OAS3: variants seen among roughly 807,000 people sequenced by gnomAD.
OAS3 encodes 2'-5'-oligoadenylate synthetase 3, also known as 2'-5'-oligoadenylate synthase 3.
A neutral mutation model predicts 113.0 loss-of-function variants in OAS3; 107 were observed. That is an observed-to-expected ratio of 0.95 (90% confidence interval 0.81 to 1.11). The LOEUF is 1.11. Ranked by LOEUF, OAS3 falls within the 50% of genes most tolerant of loss-of-function variation. The probability of loss-of-function intolerance (pLI) is 0.00; values close to 1 mark genes in which losing one functional copy is unlikely to be tolerated. For missense variants in OAS3, 1,258 were observed against 1,389.1 expected (o/e 0.91, Z 1.50); for synonymous variants, 552 against 573.6 (o/e 0.96, Z 0.54).
At chr12:112,941,907 C>T (rs2043683936) in intron 2 of OAS3, 55 bp downstream of exon 2, 2 of 1,607,120 alleles carry the variant, frequency 1.2e-6, no homozygotes, top group African/African-American at 1.3e-5. Context: ...TTGGGAACAA[C>T]ACAGGACTTC....
intron 6 of OAS3, 24 bp downstream of exon 6, chr12:112,949,229 A>AGT: frequency 6.4e-7 from 1 of 1,573,626 alleles, no homozygotes; most frequent in African/African-American, 1.3e-5. Flanking sequence ...GTGGAGACAC[A>AGT]GGGGGGACCC....
chr12:112,949,097 C>G lies in OAS3; in HGVS notation c.1266C>G (p.Asp422Glu). The change falls in exon 6 of 16, where the codon GAC becomes GAG. Residue 422 changes from aspartate to glutamate, a missense_variant. Coordinates refer to ENST00000228928, the MANE Select transcript of OAS3 (RefSeq NM_006187.4). ...PTKELDRFIQDHLKPSPQFQE... is the reference protein window; with the variant it reads ...PTKELDRFIQEHLKPSPQFQE... ...AGGAGCTGGACCGCTTCATCCAGGACCACCTGAAGCCGAGCCCCCAGTTCC... is the reference window on the plus strand; with the variant it reads ...AGGAGCTGGACCGCTTCATCCAGGAGCACCTGAAGCCGAGCCCCCAGTTCC... 1 of 1,614,022 alleles carries G rather than the reference C, an allele frequency of 6.2e-7. No homozygotes were observed. The highest frequency in any genetic ancestry group is 1.1e-5 in the South Asian group (1 of 91,090).
chr12:112,941,191 C>A (rs2043675603), intron 1 of OAS3, among the ~76,000 whole-genome samples: 1 of 151,370 alleles, frequency 6.6e-6, no homozygotes, highest in African/African-American at 2.4e-5. Flanking sequence ...ATAGCAAGAC[C>A]CCATCTCTTT....
rs774270754 is a variant in OAS3, at chr12:112,967,462, G to A, written c.2734G>A (p.Asp912Asn). ...GSRPSSQVYV[D>N]LIHSYSNAGE... The stretch of plus-strand genomic sequence containing the variant: ...CAGGCCCAGCTCTCAAGTCTACGTC[G>A]ACCTCATCCACAGCTACAGCAATGC... Residue 912 changes from aspartate (D) to asparagine (N), a missense_variant, in exon 13 of 16, where the codon GAC becomes AAC. Coordinates refer to ENST00000228928, the MANE Select transcript of OAS3 (RefSeq NM_006187.4). The A allele has an allele frequency of 3.7e-5, 59 of 1,613,552 alleles. 1 individual carries two copies. In the South Asian group the frequency reaches 4.1e-4, roughly 11 times the overall value.
At chr12:112,957,421 T>C (rs928347562) in intron 7 of OAS3, among the ~76,000 whole-genome samples, 2 of 152,264 alleles carry the variant, frequency 1.3e-5, no homozygotes. Flanking sequence ...ATGCAGTTTC[T>C]TCCTAGCATC....
chr12:112,948,233 C>T (rs573652180), intron 5 of OAS3, 134 bp downstream of exon 5: 16 of 863,536 alleles, frequency 1.9e-5, no homozygotes, highest in South Asian at 3.2e-5. Context: ...TGGTGGCTCA[C>T]GCCTGTAATC....
chr12:112,956,278 A>C (rs184757817), intron 7 of OAS3, among the ~76,000 whole-genome samples: 2 of 152,154 alleles, frequency 1.3e-5, no homozygotes, highest in East Asian at 1.9e-4. Flanking sequence ...TCATCTTTTC[A>C]AAAAACCAGC....
chr12:112,946,702 C>G, intron 3 of OAS3, 41 bp from the exon 4 acceptor site: 1 of 1,533,534 alleles, frequency 6.5e-7, no homozygotes, highest in Non-Finnish European at 8.9e-7. Context: ...CTCTTTCCTC[C>G]CCTTCTTCCT....
At chr12:112,943,412 A>T (rs6489881) in intron 2 of OAS3, among the ~76,000 whole-genome samples, 106,377 of 152,076 alleles carry the variant, frequency 0.7, 37,592 homozygotes, top group African/African-American at 0.78. Context: ...GACCCACCCA[A>T]AGCCACACAG....
intron 3 of OAS3, among the ~76,000 whole-genome samples, chr12:112,945,572 G>GC (rs2043720640): frequency 6.6e-6 from 1 of 152,126 alleles, no homozygotes; most frequent in Non-Finnish European, 1.5e-5. Flanking sequence ...TATGCCTGGA[G>GC]ATGGGGGAAC....
At chr12:112,945,060 C>T (rs1205225349) in intron 3 of OAS3, 4 of 291,336 alleles carry the variant, frequency 1.4e-5, no homozygotes, top group African/African-American at 4.4e-5. Context: ...GGCTGGAATC[C>T]CAGCACTTTG....
chr12:112,962,775 C>T lies in OAS3; in HGVS notation c.1957C>T (p.Gln653Ter), dbSNP rs1330333679. ...GCRQDCFNMA[Q>*]GFRTVLGLVQ... ...CAGGCAGGATTGTTTCAACATGGCC[C>T]AAGGCTTCCGGACGGTGCTGGGGCT... Residue 653 changes from glutamine (Q) to a stop codon, truncating the protein, a stop_gained, in exon 9 of 16, where the codon CAA becomes TAA. Coordinates refer to ENST00000228928, the MANE Select transcript of OAS3 (RefSeq NM_006187.4). LOFTEE classifies it high-confidence loss of function. The T allele has an allele frequency of 3.1e-6, 5 of 1,613,902 alleles. No homozygotes were observed. The East Asian group carries it at 1.1e-4, about 36-fold the overall frequency.
At chr12:112,949,250 T>G (rs1461518806) in intron 6 of OAS3, 45 bp downstream of exon 6, 1 of 1,544,186 alleles carries the variant, frequency 6.5e-7, no homozygotes, top group Non-Finnish European at 8.8e-7. Context: ...TATCGAGGGA[T>G]CAGCGTGGGG....
At chr12:112,965,415 C>T (rs546782276) in intron 11 of OAS3, among the ~76,000 whole-genome samples, 1 of 152,258 alleles carries the variant, frequency 6.6e-6, no homozygotes, top group South Asian at 2.1e-4. Flanking sequence ...AGCCATTAGT[C>T]GTTGGTAAAA....
rs894615033 is a variant in OAS3 at position 112,948,774 on chromosome 12, A to T, written c.1030-87A>T. The T allele has an allele frequency of 5.6e-6, 6 of 1,063,628 alleles. No individual in the cohort carries two copies. In the African/African-American group the frequency reaches 8.0e-5, roughly 14 times the overall value. 65.9% of individuals were successfully genotyped at this position (1,063,628 alleles called of 1,614,324 possible). On this transcript the variant is annotated intron_variant, in intron 5 of 15. Coordinates refer to ENST00000228928, the MANE Select transcript of OAS3 (RefSeq NM_006187.4). ...TGAGCCTCAGTCACCCTGACTGTACAAAGGGCGGGAGCTGGGGAGAGAAGG... is the reference window on the plus strand; with the variant it reads ...TGAGCCTCAGTCACCCTGACTGTACTAAGGGCGGGAGCTGGGGAGAGAAGG...
intron 2 of OAS3, 104 bp downstream of exon 2, chr12:112,941,956 G>A (rs774275573): frequency 2.1e-6 from 3 of 1,421,772 alleles, no homozygotes; most frequent in African/African-American, 2.8e-5. Context: ...TTTGACCTGG[G>A]CCAGCCTCTA....
At chr12:112,942,497 A>G (rs1014471888) in intron 2 of OAS3, among the ~76,000 whole-genome samples, 2 of 152,172 alleles carry the variant, frequency 1.3e-5, no homozygotes, top group African/African-American at 4.8e-5. Flanking sequence ...GCTTGAGCCC[A>G]GGAGTTCAAG....
At position 112,964,371 on chromosome 12, in the gene OAS3, T is replaced by G. The variant is rs2043915598; in HGVS notation, c.2366T>G (p.Phe789Cys). 12 of 1,612,344 alleles carry G rather than the reference T, an allele frequency of 7.4e-6. No individual in the cohort carries two copies. The highest frequency in any genetic ancestry group is 1.0e-5 in the Non-Finnish European group (12 of 1,179,352). Reference sequence around the variant, plus strand: ...TGTTCATTTTTGAAGGAAAACTGCTTCCGGAATTCTCCCATCAAAGTGATC... The same window carrying G: ...TGTTCATTTTTGAAGGAAAACTGCTGCCGGAATTCTCCCATCAAAGTGATC... ...TICSFLKENC[F>C]RNSPIKVIKV... Residue 789 changes from phenylalanine to cysteine, a missense_variant, in exon 11 of 16, where the codon TTC becomes TGC. Phe to Cys is a radical substitution (Grantham distance 205, BLOSUM62 -2). Coordinates refer to ENST00000228928, the MANE Select transcript of OAS3 (RefSeq NM_006187.4).
Position 112,967,977 on chromosome 12 carries a change from G to A in OAS3, c.2907G>A (p.Gln969=), listed in dbSNP as rs1334267682. The A allele has an allele frequency of 1.9e-6, 3 of 1,613,872 alleles. No homozygotes were observed. The highest frequency in any genetic ancestry group is 2.5e-6 in the Non-Finnish European group (3 of 1,179,888). The change falls in exon 14 of 16, where the codon CAG becomes CAA. Residue 969 remains glutamine (Q), a synonymous_variant. Coordinates refer to ENST00000228928, the MANE Select transcript of OAS3 (RefSeq NM_006187.4). Reference sequence around the variant, plus strand: ...AGGGGAGAGGCTCCCTACCCCCACAGCACGGGCTGGAACTCCTGACTGTGT... The same window carrying A: ...AGGGGAGAGGCTCCCTACCCCCACAACACGGGCTGGAACTCCTGACTGTGT... ...ISKGRGSLPP[Q]HGLELLTVYA... is the part of the protein sequence containing the mutation.
Sources: allele counts gnomAD v4.1 joint callset (sites outside exome capture counted in the v4.1 genomes callset), GRCh38; gene constraint gnomAD v4.1.1; transcripts MANE v1.5; gene names NCBI Gene and HGNC (gene_info 2026-07-23, HGNC 2026-07-21).